Variants in ASIC2 observed in about 807,000 individuals in gnomAD.
ASIC2 encodes acid sensing ion channel subunit 2.
Under a neutral mutation model 57.3 loss-of-function variants are expected in ASIC2, and 25 were observed. The observed-to-expected ratio is 0.44, with a 90% CI of 0.32 to 0.61. ASIC2 has a LOEUF of 0.61. ASIC2 is among the 20% of genes least tolerant of loss of function. The pLI is 0.06. For synonymous variants in ASIC2, 319 were observed against 307.5 expected (o/e 1.04, Z -0.39); for missense variants, 641 against 738.1 (o/e 0.87, Z 1.52).
intron 1 of ASIC2, among the ~76,000 whole-genome samples, chr17:33,877,073 T>G (rs1163989399): frequency 6.6e-6 from 1 of 152,166 alleles, no homozygotes; most frequent in Admixed American, 6.5e-5. Flanking sequence ...TCACATTTCT[T>G]AATTATTTTC....
chr17:33,917,963 GCA>G lies in ASIC2; in HGVS notation c.555+238013_555+238014del, dbSNP rs35792828. On this transcript the variant is annotated intron_variant, in intron 1 of 9. Transcript: ENST00000359872. ...ATTCATTCCACACACACGTGCATGT[GCA>G]CACACACACACACACACACACAGGT... 9.0e-3 allele frequency among the ~76,000 whole-genome samples: 1,244 copies of G among 138,332 alleles called. 17 individuals are homozygous for G. The highest frequency in any genetic ancestry group is 0.03 in the African/African-American group (1,068 of 35,734). 90.8% of individuals were successfully genotyped at this position (138,332 alleles called of 152,430 possible). A position where few individuals can be genotyped will look rare whatever the true frequency, so the allele number is the denominator to read the frequency against.
At chr17:34,057,054 A>G (rs970710750) in intron 1 of ASIC2, among the ~76,000 whole-genome samples, 3 of 152,212 alleles carry the variant, frequency 2.0e-5, no homozygotes, top group African/African-American at 7.2e-5. Context: ...CTCATTATTA[A>G]TAAAACTATC....
chr17:33,340,506 T>C (rs1054480397), intron 1 of ASIC2, among the ~76,000 whole-genome samples: 1 of 149,570 alleles, frequency 6.7e-6, no homozygotes, highest in African/African-American at 2.4e-5. Flanking sequence ...TCCTATCGTT[T>C]TTCTTCCCAT....
At chr17:34,122,346 TCCA>T (rs1343653863) in intron 1 of ASIC2, among the ~76,000 whole-genome samples, 1 of 152,174 alleles carries the variant, frequency 6.6e-6, no homozygotes, top group Non-Finnish European at 1.5e-5. Flanking sequence ...GGCAGCCGAC[TCCA>T]CCACACTACC....
At chr17:33,359,865 T>C (rs1597698374) in intron 1 of ASIC2, among the ~76,000 whole-genome samples, 1 of 152,168 alleles carries the variant, frequency 6.6e-6, no homozygotes, top group Admixed American at 6.5e-5. Flanking sequence ...CTGAATTCCA[T>C]GGGAGCCTGC....
At chr17:33,191,544 G>A (rs186598626) in intron 1 of ASIC2, among the ~76,000 whole-genome samples, 2 of 149,126 alleles carry the variant, frequency 1.3e-5, no homozygotes, top group East Asian at 2.0e-4. Flanking sequence ...AGGGATAGAA[G>A]GAGGAGGAGG....
chr17:33,290,492 A>G (rs967863326), intron 1 of ASIC2, among the ~76,000 whole-genome samples: 1 of 152,242 alleles, frequency 6.6e-6, no homozygotes, highest in South Asian at 2.1e-4. Flanking sequence ...AGACTGCACA[A>G]GGCAGATACC....
At chr17:33,160,152 T>C (rs1186224555) in intron 1 of ASIC2, among the ~76,000 whole-genome samples, 2 of 151,292 alleles carry the variant, frequency 1.3e-5, no homozygotes, top group South Asian at 2.1e-4. Context: ...GAGGCTGCAG[T>C]GAGCCAAGAT....
At chr17:33,629,054 A>C (rs1341053404) in intron 1 of ASIC2, among the ~76,000 whole-genome samples, 1 of 152,152 alleles carries the variant, frequency 6.6e-6, no homozygotes, top group African/African-American at 2.4e-5. Flanking sequence ...GCCTTCATCC[A>C]GACCCTCTGG....
chr17:33,105,234 C>T (rs1048247254), intron 2 of ASIC2, among the ~76,000 whole-genome samples: 2 of 152,086 alleles, frequency 1.3e-5, no homozygotes, highest in Non-Finnish European at 2.9e-5. Context: ...AGGAAGAGAC[C>T]CAGTGGGAGG....
At chr17:34,097,360 G>T (rs752123226) in intron 1 of ASIC2, among the ~76,000 whole-genome samples, 1 of 152,106 alleles carries the variant, frequency 6.6e-6, no homozygotes, top group African/African-American at 2.4e-5. Context: ...AGGAGTGGAG[G>T]GGGTGGGAGA....
At chr17:33,355,620 T>C (rs888073333) in intron 1 of ASIC2, among the ~76,000 whole-genome samples, 4 of 152,204 alleles carry the variant, frequency 2.6e-5, no homozygotes, top group African/African-American at 9.7e-5. Context: ...ATATTTTATC[T>C]ATCTTGGTTT....
intron 1 of ASIC2, among the ~76,000 whole-genome samples, chr17:33,246,293 A>T (rs1461214190): frequency 1.3e-5 from 2 of 152,162 alleles, no homozygotes; most frequent in African/African-American, 4.8e-5. Flanking sequence ...TATGGGGCAG[A>T]TGGAGTTGCT....
rs971795184 is a variant in ASIC2 at position 33,015,531 on chromosome 17, C to T, written c.1590+440G>A. 7.2e-5 allele frequency among the ~76,000 whole-genome samples: 11 copies of T among 152,310 alleles called. 1 individual carries two copies. In the South Asian group the frequency reaches 2.1e-3, roughly 29 times the overall value. ...CAATAGTCAGTAGCTATAATGGGCA[C>T]TATTGCTACTACCAACTTCATGGGG... On this transcript the variant is annotated intron_variant, in intron 9 of 9. Transcript: ENST00000225823.
chr17:33,133,856 A>G (rs988325356), intron 1 of ASIC2, among the ~76,000 whole-genome samples: 6 of 152,232 alleles, frequency 3.9e-5, no homozygotes, highest in Admixed American at 3.9e-4. Flanking sequence ...AGAGACATCA[A>G]TGCAAGGACT....
chr17:33,240,112 A>G (rs1382670895), intron 1 of ASIC2, among the ~76,000 whole-genome samples: 1 of 152,188 alleles, frequency 6.6e-6, no homozygotes, highest in Non-Finnish European at 1.5e-5. Context: ...TCCCAAATGG[A>G]CACAGCCTAA....
rs1297340583 is a variant in ASIC2 at position 33,981,229 on chromosome 17, C to T, written c.555+174749G>A. Among the ~76,000 whole-genome samples the T allele has an allele frequency of 1.5e-4, 23 of 152,140 alleles. 1 individual carries two copies. Among genetic ancestry groups the T allele is most frequent in the Non-Finnish European group, 2.9e-5 (2 of 68,028 alleles). On this transcript the variant is annotated intron_variant, in intron 1 of 9. Coordinates refer to the ASIC2 transcript ENST00000359872. ...CCTCCCAAAGTGCTGGGATTACGGG[C>T]GTGAGCCACCGCACCCAGCCCTCAA...
chr17:33,526,580 G>A (rs1251374885), intron 1 of ASIC2, among the ~76,000 whole-genome samples: 1 of 150,964 alleles, frequency 6.6e-6, no homozygotes, highest in African/African-American at 2.5e-5. Context: ...GCCCAACACA[G>A]AGTAGGCACT....
intron 1 of ASIC2, among the ~76,000 whole-genome samples, chr17:33,924,962 A>C (rs1278187729): frequency 3.3e-5 from 5 of 152,214 alleles, no homozygotes; most frequent in Non-Finnish European, 7.3e-5. Context: ...TCAGGCAGTC[A>C]GAGGTCAGAG....
Sources: allele counts gnomAD v4.1 joint callset (sites outside exome capture counted in the v4.1 genomes callset), GRCh38; gene constraint gnomAD v4.1.1; transcripts MANE v1.5; gene names NCBI Gene and HGNC (gene_info 2026-07-23, HGNC 2026-07-21).